Variants in DOCK10 observed in about 807,000 individuals in gnomAD.
The protein encoded by DOCK10 is dedicator of cytokinesis 10.
A neutral mutation model predicts 280.1 loss-of-function variants in DOCK10; 145 were observed. That is an observed-to-expected ratio of 0.52 (90% confidence interval 0.45 to 0.59). DOCK10 has a LOEUF of 0.59. Among genes scored for constraint, DOCK10 ranks in the 20% least tolerant of loss-of-function variants. The pLI is 0.00. For missense variants in DOCK10, 2,368 were observed against 2,651.7 expected (o/e 0.89, Z 2.35); for synonymous variants, 915 against 942.2 (o/e 0.97, Z 0.53).
chr2:225,008,193 C>A (rs56162525), intron 1 of DOCK10, among the ~76,000 whole-genome samples: 1 of 152,180 alleles, frequency 6.6e-6, no homozygotes, highest in East Asian at 1.9e-4. Flanking sequence ...GAGATGAGGT[C>A]TTGCTATGTT....
intron 1 of DOCK10, among the ~76,000 whole-genome samples, chr2:225,038,077 C>A (rs976278816): frequency 2.0e-5 from 3 of 152,146 alleles, no homozygotes; most frequent in African/African-American, 7.2e-5. Flanking sequence ...CTGTCCAGAA[C>A]AACAAACAAC....
At chr2:224,862,643 T>G in intron 14 of DOCK10, 21 bp downstream of exon 14, 1 of 1,599,020 alleles carries the variant, frequency 6.3e-7, no homozygotes, top group Non-Finnish European at 8.6e-7. Context: ...TCTAGTCTGT[T>G]GGCTGCAACT....
intron 1 of DOCK10, 62 bp from the exon 2 acceptor site, chr2:224,931,730 G>C: frequency 1.7e-5 from 26 of 1,489,606 alleles, no homozygotes; most frequent in Non-Finnish European, 2.3e-5. Flanking sequence ...TTCTATGCCT[G>C]GTTGGATTTC....
intron 11 of DOCK10, among the ~76,000 whole-genome samples, chr2:224,870,746 C>G (rs1284658752): frequency 6.6e-6 from 1 of 151,562 alleles, no homozygotes; most frequent in Non-Finnish European, 1.5e-5. Context: ...GATCCCGCCC[C>G]TCTCCCCCCA....
At position 224,829,165 on chromosome 2, in the gene DOCK10, T is replaced by C. The variant is rs116194589; in HGVS notation, c.3036+1376A>G. Among the ~76,000 whole-genome samples the C allele has an allele frequency of 1.0e-2, 1,523 of 152,302 alleles. 22 individuals are homozygous for C. The highest frequency in any genetic ancestry group is 0.034 in the African/African-American group (1,429 of 41,550). ...TTGCACACAGAATCTGAGTTGACAT[T>C]GATATCCAGAAATGAAAAGCATCAC... is the stretch of plus-strand genomic sequence containing the variant. On this transcript the variant is annotated intron_variant, in intron 27 of 55. Transcript: ENST00000258390.
intron 3 of DOCK10, among the ~76,000 whole-genome samples, chr2:224,912,224 C>T (rs1238932169): frequency 1.3e-5 from 2 of 151,684 alleles, no homozygotes; most frequent in South Asian, 2.1e-4. Context: ...CAACCTCCGC[C>T]TTCTAGGTTC....
chr2:224,776,191 T>G (rs1476978142), intron 51 of DOCK10, among the ~76,000 whole-genome samples: 1 of 152,198 alleles, frequency 6.6e-6, no homozygotes, highest in Non-Finnish European at 1.5e-5. Flanking sequence ...TCTTCCAATT[T>G]TCTCCATCTG....
chr2:224,922,681 T>C (rs990670082), intron 2 of DOCK10, among the ~76,000 whole-genome samples: 1 of 152,204 alleles, frequency 6.6e-6, no homozygotes, highest in African/African-American at 2.4e-5. Context: ...CTGCTGGCTA[T>C]ACTGGCTACA....
intron 3 of DOCK10, among the ~76,000 whole-genome samples, chr2:224,901,261 C>G (rs1700280562): frequency 6.6e-6 from 1 of 152,184 alleles, no homozygotes; most frequent in African/African-American, 2.4e-5. Context: ...CAGGCTACAA[C>G]TCTGCTTGGT....
At chr2:224,827,262 C>CAA (rs111476278) in intron 27 of DOCK10, among the ~76,000 whole-genome samples, 1 of 110,044 alleles carries the variant, frequency 9.1e-6, no homozygotes, top group Non-Finnish European at 2.0e-5. Flanking sequence ...AACTCCGTCT[C>CAA]AAAAAAAAAA....
chr2:225,022,484 G>A (rs567142174), intron 1 of DOCK10, among the ~76,000 whole-genome samples: 1 of 152,292 alleles, frequency 6.6e-6, no homozygotes, highest in South Asian at 2.1e-4. Context: ...CTCTGTGACA[G>A]TAAAAACAAA....
chr2:224,805,496 T>A lies in DOCK10; in HGVS notation c.3848A>T (p.His1283Leu). Residue 1283 changes from histidine to leucine, a missense_variant, in exon 35 of 56, where the codon CAT becomes CTT. Around this residue, in one of 2 missense-constraint regions of DOCK10, gnomAD observed 1,159 missense variants for 1,400.8 expected, o/e 0.83. Coordinates refer to ENST00000258390, the MANE Select transcript of DOCK10 (RefSeq NM_014689.3). This position sits in a 1 kb window ranked among gnomAD's most constrained non-coding sequence, Gnocchi z 4.3. ...TGCTAAAGATGCTCTGGAGTCAGCA[T>A]GGTTTACTGTAGAAATAGCTATTGA... ...FSSIAISTVNHADSRASLASL... is the reference protein window; with the variant it reads ...FSSIAISTVNLADSRASLASL... 6.2e-7 allele frequency: 1 copy of A among 1,612,652 alleles called. No homozygotes were observed.
At chr2:224,776,361 C>CAGCTGATAAG (rs1690864663) in intron 51 of DOCK10, among the ~76,000 whole-genome samples, 1 of 152,128 alleles carries the variant, frequency 6.6e-6, no homozygotes, top group Admixed American at 6.5e-5. Context: ...CTAAGATCAT[C>CAGCTGATAAG]AGCTGATAAG....
At chr2:225,035,542 T>TG (rs1415059109) in intron 1 of DOCK10, among the ~76,000 whole-genome samples, 1 of 50,030 alleles carries the variant, frequency 2.0e-5, no homozygotes, top group African/African-American at 7.5e-5. Flanking sequence ...ATGATATATA[T>TG]TATATATATA....
At chr2:225,030,161 AAAAG>A (rs1442643401) in intron 1 of DOCK10, among the ~76,000 whole-genome samples, 2 of 151,246 alleles carry the variant, frequency 1.3e-5, no homozygotes, top group Non-Finnish European at 2.9e-5. Context: ...AAAAAAAAAA[AAAAG>A]AAAGAAAAAG....
intron 1 of DOCK10, among the ~76,000 whole-genome samples, chr2:224,972,916 T>C (rs1202204626): frequency 1.3e-5 from 2 of 152,254 alleles, no homozygotes; most frequent in Non-Finnish European, 2.9e-5. Flanking sequence ...TAAACTTATG[T>C]TCTTTGAATA....
chr2:224,784,876 C>A, intron 50 of DOCK10: 2 of 761,766 alleles, frequency 2.6e-6, no homozygotes, highest in Non-Finnish European at 3.9e-6. Flanking sequence ...ATCTGGTAGG[C>A]AATCCTGTTT....
At chr2:224,979,747 G>A (rs879542758) in intron 1 of DOCK10, among the ~76,000 whole-genome samples, 1 of 152,110 alleles carries the variant, frequency 6.6e-6, no homozygotes. Context: ...CCTATTGAAC[G>A]TCTTACCGTT....
intron 1 of DOCK10, among the ~76,000 whole-genome samples, chr2:224,973,937 T>A (rs563073657): frequency 1.3e-5 from 2 of 152,222 alleles, no homozygotes; most frequent in Admixed American, 6.5e-5. Flanking sequence ...CAGAGGTTTT[T>A]CTGTTTCTTC....
Sources: gnomAD v4.1 joint callset for allele counts (sites outside exome capture counted in the v4.1 genomes callset) on GRCh38, gnomAD v4.1.1 for gene constraint, gnomAD v4.1.1 regional missense constraint, Gnocchi (gnomAD v3.1) non-coding constraint, MANE v1.5 for transcripts, NCBI Gene and HGNC (gene_info 2026-07-23, HGNC 2026-07-21) for gene names.